Variants in TBCK observed in about 807,000 individuals in gnomAD.
The protein encoded by TBCK is TBC domain-containing protein kinase-like protein.
A neutral mutation model predicts 113.4 loss-of-function variants in TBCK; 99 were observed. That is an observed-to-expected ratio of 0.87 (90% CI 0.74 to 1.03). The LOEUF is 1.03. Among genes scored for constraint, TBCK ranks in the 50% least tolerant of loss-of-function variants. The pLI is 0.00. For synonymous variants in TBCK, 369 were observed against 370.8 expected, an observed-to-expected ratio of 1.00 and a Z score of 0.05; for missense variants, 1,045 against 1,061.3, an observed-to-expected ratio of 0.98 and a Z score of 0.21.
At chr4:106,155,015 G>A (rs1748961996) in intron 23 of TBCK, among the ~76,000 whole-genome samples, 1 of 151,768 alleles carries the variant, frequency 6.6e-6, no homozygotes, top group African/African-American at 2.4e-5. Flanking sequence ...TTTGTTTGAA[G>A]TACTGCCTTT....
At chr4:106,207,108 A>T (rs994226087) in intron 20 of TBCK, among the ~76,000 whole-genome samples, 1 of 152,220 alleles carries the variant, frequency 6.6e-6, no homozygotes, top group African/African-American at 2.4e-5. Flanking sequence ...GACAAAAATG[A>T]TAAATATCAC....
At chr4:106,266,003 TAAAC>T (rs1412850419) in intron 3 of TBCK, among the ~76,000 whole-genome samples, 1 of 151,800 alleles carries the variant, frequency 6.6e-6, no homozygotes, top group East Asian at 1.9e-4. Flanking sequence ...CACTGAGTCT[TAAAC>T]AAATAGGGAA....
chr4:106,242,380 T>C, intron 12 of TBCK, 90 bp downstream of exon 12: 1 of 851,548 alleles, frequency 1.2e-6, no homozygotes, highest in Non-Finnish European at 1.7e-6. Flanking sequence ...TTTTGTGAAA[T>C]CAAAGAGGCA....
intron 23 of TBCK, among the ~76,000 whole-genome samples, chr4:106,122,114 T>C (rs1260317564): frequency 6.6e-6 from 1 of 151,312 alleles, no homozygotes; most frequent in African/African-American, 2.4e-5. Flanking sequence ...TCAACAAAAT[T>C]GATAGACCGC....
chr4:106,237,489 G>A (rs1453934185), intron 12 of TBCK: 1 of 455,832 alleles, frequency 2.2e-6, no homozygotes, highest in Non-Finnish European at 4.4e-6. Flanking sequence ...ATGCCATCTT[G>A]CCTGCTGCTC....
At chr4:106,079,593 T>C (rs1738621893) in intron 25 of TBCK, among the ~76,000 whole-genome samples, 1 of 152,138 alleles carries the variant, frequency 6.6e-6, no homozygotes, top group Admixed American at 6.5e-5. Context: ...TAGGAATATA[T>C]CTAACTAAGA....
chr4:106,197,488 T>A (rs947849886), intron 20 of TBCK, among the ~76,000 whole-genome samples: 2 of 147,186 alleles, frequency 1.4e-5, no homozygotes, highest in Non-Finnish European at 3.0e-5. Flanking sequence ...AATGCCAAGA[T>A]CATAAAATGC....
intron 20 of TBCK, among the ~76,000 whole-genome samples, chr4:106,204,186 G>A (rs1755190959): frequency 6.6e-6 from 1 of 152,138 alleles, no homozygotes; most frequent in South Asian, 2.1e-4. Context: ...TCATTATGAG[G>A]TAGAATTTAT....
Position 106,193,349 on chromosome 4 carries a change from A to G in TBCK, c.2059+260T>C, listed in dbSNP as rs75223422. On this transcript the variant is annotated intron_variant, in intron 22 of 25. Transcript: ENST00000394708. Reference sequence around the variant, plus strand: ...AAGAGCAAATATGATATTGCCCCCAACTTCCTGGCATTTTACCCATTTAGT... The same window carrying G: ...AAGAGCAAATATGATATTGCCCCCAGCTTCCTGGCATTTTACCCATTTAGT... 2.5e-4 allele frequency among the ~76,000 whole-genome samples: 38 copies of G among 152,202 alleles called. No homozygotes were observed. The South Asian group carries it at 7.7e-3, about 31-fold the overall frequency.
chr4:106,092,567 G>T (rs980756646), intron 25 of TBCK, among the ~76,000 whole-genome samples: 12 of 152,220 alleles, frequency 7.9e-5, no homozygotes, highest in Admixed American at 3.3e-4. Flanking sequence ...GCTAAGGCCC[G>T]GTGAGAAATC....
chr4:106,177,894 T>C (rs567458001), intron 22 of TBCK, among the ~76,000 whole-genome samples: 3 of 152,130 alleles, frequency 2.0e-5, no homozygotes, highest in East Asian at 1.9e-4. Flanking sequence ...AGAAATTACA[T>C]TGAACCTGTA....
intron 23 of TBCK, among the ~76,000 whole-genome samples, chr4:106,116,634 T>C (rs1382973383): frequency 1.3e-5 from 2 of 152,116 alleles, no homozygotes; most frequent in Admixed American, 6.5e-5. Context: ...TTCAGCTGTA[T>C]TTACAGTTGT....
At position 106,116,217 on chromosome 4, in the gene TBCK, G is replaced by A; in HGVS notation, c.2397C>T (p.Ile799=). 1 of 1,613,718 alleles carries A rather than the reference G, an allele frequency of 6.2e-7. No homozygotes were observed. The highest frequency in any genetic ancestry group is 8.5e-7 in the Non-Finnish European group (1 of 1,179,952). The change falls in exon 24 of 26, where the codon ATC becomes ATT. Residue 799 remains isoleucine, a synonymous_variant. Transcript: ENST00000394708. ...GCAAAGGATACTCTTCACTATTCCG[G>A]ATGTCAACCACCAGGAGCTTTGGTT... is the stretch of plus-strand genomic sequence containing the variant. The part of the protein sequence containing the change: ...SSKPKLLVVD[I]RNSEDFIRGH...
intron 25 of TBCK, among the ~76,000 whole-genome samples, chr4:106,063,591 G>T (rs1025470208): frequency 3.3e-5 from 5 of 151,876 alleles, no homozygotes; most frequent in Admixed American, 3.3e-4. Flanking sequence ...TTGAGCAAAG[G>T]GGGGAAGGTG....
chr4:106,159,089 A>G (rs1331087250), intron 23 of TBCK, among the ~76,000 whole-genome samples: 1 of 151,972 alleles, frequency 6.6e-6, no homozygotes, highest in East Asian at 1.9e-4. Context: ...AAAGAACAAA[A>G]TCAAACTGTT....
intron 20 of TBCK, among the ~76,000 whole-genome samples, chr4:106,202,689 T>C (rs1755024337): frequency 6.6e-6 from 1 of 152,022 alleles, no homozygotes; most frequent in African/African-American, 2.4e-5. Context: ...GTCACACAAG[T>C]GATATTGCAA....
At chr4:106,182,972 C>T (rs4382109) in intron 22 of TBCK, among the ~76,000 whole-genome samples, 61,182 of 151,848 alleles carry the variant, frequency 0.4, 12,628 homozygotes, top group African/African-American at 0.48. Context: ...CGTTTAAGGA[C>T]TGTTAGTAGT....
chr4:106,309,370 TG>T (rs888228831), intron 1 of TBCK, among the ~76,000 whole-genome samples: 1 of 143,720 alleles, frequency 7.0e-6, no homozygotes, highest in Non-Finnish European at 1.5e-5. Context: ...TGGAGTGCAG[TG>T]GTGTGATCTC....
chr4:106,245,234 G>T (rs1760664974), intron 10 of TBCK, among the ~76,000 whole-genome samples: 1 of 152,154 alleles, frequency 6.6e-6, no homozygotes, highest in South Asian at 2.1e-4. Context: ...GACTGACAAG[G>T]TTCTCACAGT....
Sources: gnomAD v4.1 joint callset for allele counts (sites outside exome capture counted in the v4.1 genomes callset) on GRCh38, gnomAD v4.1.1 for gene constraint, MANE v1.5 for transcripts, NCBI Gene and HGNC (gene_info 2026-07-23, HGNC 2026-07-21) for gene names.